The following FBXO28 variants were observed in gnomAD, a reference collection of about 807,000 sequenced individuals.
The protein encoded by FBXO28 is F-box protein 28.
A neutral mutation model predicts 38.1 loss-of-function variants in FBXO28; 8 were observed. That is an observed-to-expected ratio of 0.21 (90% CI 0.12 to 0.38). The LOEUF (loss-of-function observed/expected upper bound fraction) is 0.38, where lower values mean the gene tolerates loss of function less well. Among genes scored for constraint, FBXO28 ranks in the 10% least tolerant of loss-of-function variants. The probability of loss-of-function intolerance (pLI) is 1.00; values close to 1 mark genes in which losing one functional copy is unlikely to be tolerated. For synonymous variants in FBXO28, 168 were observed against 173.8 expected (o/e 0.97, Z 0.26); for missense variants, 345 against 460.6 (o/e 0.75, Z 2.30).
At chr1:224,134,275 T>G (rs1019585227) in intron 3 of FBXO28, 63 bp downstream of exon 3, 1 of 1,512,376 alleles carries the variant, frequency 6.6e-7, no homozygotes, top group African/African-American at 1.4e-5. Flanking sequence ...TATACAGTTA[T>G]GAATTTCTGA....
At chr1:224,118,394 A>G (rs1277586066) in intron 1 of FBXO28, among the ~76,000 whole-genome samples, 4 of 152,136 alleles carry the variant, frequency 2.6e-5, no homozygotes, top group South Asian at 2.1e-4. Flanking sequence ...GATACTATCA[A>G]TTTTTTTCCT....
At chr1:224,128,273 T>C (rs1232234484) in intron 1 of FBXO28, among the ~76,000 whole-genome samples, 3 of 151,786 alleles carry the variant, frequency 2.0e-5, no homozygotes, top group African/African-American at 4.8e-5. Flanking sequence ...TTTTTAACTG[T>C]CCATGTCTTG....
At chr1:224,129,970 A>T (rs992365564) in intron 1 of FBXO28, among the ~76,000 whole-genome samples, 2 of 151,954 alleles carry the variant, frequency 1.3e-5, no homozygotes, top group Non-Finnish European at 2.9e-5. Context: ...AGCCTGTGCG[A>T]CAGGGTGAGA....
intron 1 of FBXO28, among the ~76,000 whole-genome samples, chr1:224,129,776 T>C (rs544403384): frequency 6.6e-6 from 1 of 151,954 alleles, no homozygotes; most frequent in East Asian, 2.0e-4. Flanking sequence ...GATCACAAGG[T>C]CAGGAGATCG....
intron 1 of FBXO28, among the ~76,000 whole-genome samples, chr1:224,116,080 C>T (rs908795): frequency 0.52 from 78,433 of 151,916 alleles, 21,262 homozygotes; most frequent in South Asian, 0.61. Flanking sequence ...ATTTCAAACT[C>T]AGATTTTTCA....
At chr1:224,147,113 A>G (rs182099778) in intron 3 of FBXO28, among the ~76,000 whole-genome samples, 1 of 152,236 alleles carries the variant, frequency 6.6e-6, no homozygotes, top group East Asian at 1.9e-4. Context: ...GTCAAAAAAT[A>G]TATATGTATA....
intron 3 of FBXO28, among the ~76,000 whole-genome samples, chr1:224,139,062 T>C (rs960326808): frequency 9.2e-5 from 14 of 151,806 alleles, no homozygotes; most frequent in East Asian, 3.9e-4. Flanking sequence ...GGATTACAGA[T>C]GTGAGCCACT....
chr1:224,130,752 A>G, intron 2 of FBXO28, 171 bp downstream of exon 2: 1 of 507,248 alleles, frequency 2.0e-6, no homozygotes, highest in Non-Finnish European at 3.5e-6. Context: ...GTTTGTGATC[A>G]ACATTTTACT....
intron 3 of FBXO28, among the ~76,000 whole-genome samples, chr1:224,143,534 G>A (rs1657416946): frequency 6.6e-6 from 1 of 152,172 alleles, no homozygotes; most frequent in South Asian, 2.1e-4. Flanking sequence ...ATTGAAAAAT[G>A]AATGAATAGG....
At chr1:224,137,302 A>G (rs1332994845) in intron 3 of FBXO28, among the ~76,000 whole-genome samples, 1 of 151,638 alleles carries the variant, frequency 6.6e-6, no homozygotes, top group Admixed American at 6.6e-5. Flanking sequence ...AGACGGGTAG[A>G]TCACAAGGTC....
At chr1:224,122,035 A>G (rs953943470) in intron 1 of FBXO28, among the ~76,000 whole-genome samples, 2 of 152,198 alleles carry the variant, frequency 1.3e-5, no homozygotes, top group East Asian at 1.9e-4. Context: ...TGGCCTCGCA[A>G]AGTGCTGGGA....
At chr1:224,145,847 C>T (rs1657491403) in intron 3 of FBXO28, among the ~76,000 whole-genome samples, 1 of 152,142 alleles carries the variant, frequency 6.6e-6, no homozygotes, top group Non-Finnish European at 1.5e-5. Context: ...GCAGGTGGAT[C>T]ACCAGAGGTC....
chr1:224,116,018 G>A (rs1656636465), intron 1 of FBXO28, among the ~76,000 whole-genome samples: 1 of 152,128 alleles, frequency 6.6e-6, no homozygotes, highest in African/African-American at 2.4e-5. Flanking sequence ...ATATTCAGCT[G>A]CATTCTTAAT....
At position 224,161,817 on chromosome 1, in the gene FBXO28, G is replaced by A. The variant is rs1186513550; in HGVS notation, c.*4071G>A. ...TAGAAGTATATTGGTAATCTATTAG[G>A]TCCATTGGCAAAGTATATTGGTCCA... is the stretch of plus-strand genomic sequence containing the variant. On this transcript the variant is annotated 3_prime_UTR_variant, in exon 5 of 5. Transcript: ENST00000366862. 3.9e-5 allele frequency: 6 copies of A among 152,252 alleles called. No homozygotes were observed. The South Asian group carries it at 1.0e-3, about 26-fold the overall frequency. The allele number at this position is 152,252 out of a possible 1,614,324, so 9.4% of individuals were successfully genotyped here. A position where few individuals can be genotyped will look rare whatever the true frequency, so the allele number is the denominator to read the frequency against.
intron 3 of FBXO28, among the ~76,000 whole-genome samples, chr1:224,145,590 G>A (rs1289559836): frequency 6.6e-6 from 1 of 152,090 alleles, no homozygotes; most frequent in East Asian, 1.9e-4. Context: ...ATAACATCAT[G>A]ATGCAGCACA....
At chr1:224,154,282 T>C (rs1042077199) in intron 4 of FBXO28, among the ~76,000 whole-genome samples, 1 of 152,236 alleles carries the variant, frequency 6.6e-6, no homozygotes, top group African/African-American at 2.4e-5. Flanking sequence ...TCATTTTCTA[T>C]TGTACTGAAA....
At chr1:224,122,020 T>A (rs1656791624) in intron 1 of FBXO28, among the ~76,000 whole-genome samples, 2 of 152,292 alleles carry the variant, frequency 1.3e-5, no homozygotes, top group African/African-American at 4.8e-5. Context: ...GTGATCCACC[T>A]GCCTTGGCCT....
chr1:224,129,509 A>G (rs1242772064), intron 1 of FBXO28, among the ~76,000 whole-genome samples: 3 of 152,192 alleles, frequency 2.0e-5, no homozygotes, highest in Non-Finnish European at 4.4e-5. Context: ...ATTTCTGACT[A>G]AAAAAGAATT....
intron 3 of FBXO28, among the ~76,000 whole-genome samples, chr1:224,148,036 G>A (rs1445441175): frequency 2.0e-5 from 3 of 152,014 alleles, no homozygotes; most frequent in Non-Finnish European, 2.9e-5. Flanking sequence ...AAACTATTTT[G>A]AATTTTATTG....
Sources: allele counts gnomAD v4.1 joint callset (sites outside exome capture counted in the v4.1 genomes callset), GRCh38; gene constraint gnomAD v4.1.1; transcripts MANE v1.5; gene names NCBI Gene and HGNC (gene_info 2026-07-23, HGNC 2026-07-21).